The following GRAMD1B variants were observed in gnomAD, a reference collection of about 807,000 sequenced individuals.
GRAMD1B encodes protein Aster-B.
GRAMD1B carries 37 observed loss-of-function variants against 99.7 expected under a neutral mutation model. The observed-to-expected ratio is 0.37, with a 90% confidence interval of 0.29 to 0.49. The LOEUF is 0.49. Among genes scored for constraint, GRAMD1B ranks in the 20% least tolerant of loss-of-function variants. The pLI is 0.98. For missense variants in GRAMD1B, 888 were observed against 1,009.2 expected, an observed-to-expected ratio of 0.88 and a Z score of 1.63; for synonymous variants, 427 against 387.6, an observed-to-expected ratio of 1.10 and a Z score of -1.19.
At chr11:123,476,408 C>G (rs1164947240) in intron 1 of GRAMD1B, among the ~76,000 whole-genome samples, 2 of 152,178 alleles carry the variant, frequency 1.3e-5, no homozygotes, top group Non-Finnish European at 2.9e-5. Flanking sequence ...GCCCATTTAA[C>G]TTCTTTAAGA....
intron 2 of GRAMD1B, among the ~76,000 whole-genome samples, chr11:123,570,307 G>A (rs1405782072): frequency 1.3e-5 from 2 of 152,110 alleles, no homozygotes; most frequent in East Asian, 1.9e-4. Flanking sequence ...TGTGTTCCTG[G>A]TTCCTACTGT....
intron 1 of GRAMD1B, among the ~76,000 whole-genome samples, chr11:123,361,813 C>T (rs938236203): frequency 2.6e-5 from 4 of 152,120 alleles, no homozygotes; most frequent in Non-Finnish European, 5.9e-5. Context: ...AATGAATGGA[C>T]GTTGCCAATA....
At chr11:123,574,041 G>C (rs1436949382) in intron 2 of GRAMD1B, among the ~76,000 whole-genome samples, 1 of 151,032 alleles carries the variant, frequency 6.6e-6, no homozygotes, top group Non-Finnish European at 1.5e-5. Flanking sequence ...TGGAGCAAGT[G>C]GGATTTGAAA....
chr11:123,487,429 C>T (rs1274857107), intron 2 of GRAMD1B, among the ~76,000 whole-genome samples: 5 of 152,138 alleles, frequency 3.3e-5, no homozygotes, highest in Non-Finnish European at 7.4e-5. Flanking sequence ...TGTTCGGGAA[C>T]CACAAATACT....
intron 1 of GRAMD1B, among the ~76,000 whole-genome samples, chr11:123,468,729 A>G (rs1294605980): frequency 6.7e-6 from 1 of 149,956 alleles, no homozygotes; most frequent in East Asian, 2.0e-4. Context: ...CCCGGGAGGC[A>G]GAGGTTGCAG....
chr11:123,468,714 T>C (rs947466259), intron 1 of GRAMD1B, among the ~76,000 whole-genome samples: 3 of 151,010 alleles, frequency 2.0e-5, no homozygotes, highest in African/African-American at 7.3e-5. Flanking sequence ...GGAGGATTGC[T>C]TGAGCCCGGG....
At chr11:123,559,779 T>G in intron 2 of GRAMD1B, 15 of 680,368 alleles carry the variant, frequency 2.2e-5, no homozygotes, top group Non-Finnish European at 2.7e-5. Context: ...TGGGAGCAGC[T>G]ACACTGAAGA....
At position 123,591,888 on chromosome 11, in the gene GRAMD1B, C is replaced by T. The variant is rs981876575; in HGVS notation, c.685-2194C>T. Among the ~76,000 whole-genome samples, 17 of 152,202 alleles carry T rather than the reference C, an allele frequency of 1.1e-4. No individual in the cohort carries two copies. Among genetic ancestry groups the T allele is most frequent in the Non-Finnish European group, 4.4e-5 (3 of 68,040 alleles). Reference sequence around the variant, plus strand: ...AGGCCAGGGCTGGATTCACTCTCCCCTCTCCCTGCCACTGCTACAGCTTTG... The same window carrying T: ...AGGCCAGGGCTGGATTCACTCTCCCTTCTCCCTGCCACTGCTACAGCTTTG... On this transcript the variant is annotated intron_variant, in intron 4 of 19. Transcript: ENST00000635736. This position sits in a 1 kb window ranked among gnomAD's most constrained non-coding sequence, Gnocchi z 4.7.
chr11:123,505,368 G>T (rs1940319892), intron 2 of GRAMD1B, among the ~76,000 whole-genome samples: 1 of 151,958 alleles, frequency 6.6e-6, no homozygotes, highest in Non-Finnish European at 1.5e-5. Context: ...ACAGCAGGTG[G>T]GTTTGACTGC....
intron 1 of GRAMD1B, among the ~76,000 whole-genome samples, chr11:123,389,254 G>A (rs1947188148): frequency 6.6e-6 from 1 of 151,680 alleles, no homozygotes; most frequent in Admixed American, 6.6e-5. Flanking sequence ...CCTGGTGGTG[G>A]GCACCTGTAG....
chr11:123,368,702 A>AAAAAAG, intron 1 of GRAMD1B, among the ~76,000 whole-genome samples: 1 of 145,470 alleles, frequency 6.9e-6, no homozygotes, highest in African/African-American at 2.6e-5. Flanking sequence ...AAAAAAAAAA[A>AAAAAAG]GAAAGAAAGA....
chr11:123,547,364 A>G (rs1945125120), intron 2 of GRAMD1B, among the ~76,000 whole-genome samples: 1 of 152,172 alleles, frequency 6.6e-6, no homozygotes, highest in African/African-American at 2.4e-5. Flanking sequence ...GTCACCTGCT[A>G]CTGGGCACTG....
intron 15 of GRAMD1B, 25 bp from the exon 16 acceptor site, chr11:123,613,430 C>G: frequency 6.4e-7 from 1 of 1,562,434 alleles, no homozygotes; most frequent in Non-Finnish European, 8.8e-7. Context: ...GGTGGCCTCT[C>G]CTGTGGTCCT....
chr11:123,427,809 C>T (rs1011251382), upstream of GRAMD1B, among the ~76,000 whole-genome samples: 23 of 152,214 alleles, frequency 1.5e-4, no homozygotes, highest in Admixed American at 6.5e-5. Flanking sequence ...TCCCTCAGGC[C>T]GGGTGAAATG....
intron 1 of GRAMD1B, among the ~76,000 whole-genome samples, chr11:123,396,171 TTTTTTTC>T (rs912885362): frequency 6.7e-6 from 1 of 150,086 alleles, no homozygotes; most frequent in Non-Finnish European, 1.5e-5. Context: ...CCCATATGCA[TTTTTTTC>T]TTTTTTCTTT....
rs1237111308 is a variant in GRAMD1B, at chr11:123,625,661, C to T, written c.*3066C>T. 1.3e-5 allele frequency: 2 copies of T among 152,616 alleles called. No individual in the cohort carries two copies. The highest frequency in any genetic ancestry group is 4.8e-5 in the African/African-American group (2 of 41,432). The allele number at this position is 152,616 out of a possible 1,614,324, so 9.5% of individuals were successfully genotyped here. ...CTGTGGCCTTGGGCAAGTCACTCCC[C>T]CTCTCTGAGCTTCAGTATCCTCCTG... On this transcript the variant is annotated 3_prime_UTR_variant, in exon 20 of 20. Transcript: ENST00000635736.
intron 1 of GRAMD1B, among the ~76,000 whole-genome samples, chr11:123,479,723 T>A (rs78639109): frequency 3.3e-3 from 505 of 152,320 alleles, no homozygotes; most frequent in Non-Finnish European, 5.6e-3. Context: ...GTTACTCAAC[T>A]CTGCCTTAAC....
intron 4 of GRAMD1B, among the ~76,000 whole-genome samples, chr11:123,584,947 C>A (rs73029822): frequency 0.25 from 38,361 of 152,132 alleles, 5,637 homozygotes; most frequent in South Asian, 0.43. Flanking sequence ...GCAGGCCTGG[C>A]AGAGGCCACC....
chr11:123,620,698 G>T (rs891601841), intron 19 of GRAMD1B, among the ~76,000 whole-genome samples: 1 of 152,164 alleles, frequency 6.6e-6, no homozygotes, highest in Non-Finnish European at 1.5e-5. Context: ...GAGGAGAACA[G>T]GGTGGCCTTC....
Sources: allele counts gnomAD v4.1 joint callset (sites outside exome capture counted in the v4.1 genomes callset), GRCh38; gene constraint gnomAD v4.1.1; non-coding constraint Gnocchi (gnomAD v3.1); transcripts MANE v1.5; gene names NCBI Gene and HGNC (gene_info 2026-07-23, HGNC 2026-07-21).